Variants in SNX29 observed in about 807,000 individuals in gnomAD.
SNX29 encodes sorting nexin-29.
In SNX29, 78 loss-of-function variants were observed where a neutral mutation model predicts 102.1. The ratio of observed to expected loss-of-function variants is 0.76; its 90% CI spans 0.64 to 0.92. The LOEUF is 0.92. Ranked by LOEUF, SNX29 falls within the 40% of genes least tolerant of loss-of-function variation. The pLI, the probability that SNX29 is intolerant of heterozygous loss-of-function variation, is 0.00. For synonymous variants in SNX29, 580 were observed against 414.5 expected (o/e 1.40, Z -4.85); for missense variants, 1,280 against 1,061.7 (o/e 1.21, Z -2.86).
In SNX29 at chr16:12,491,257, G is replaced by A. The variant is rs186207999; in HGVS notation, c.2178+13398G>A. On this transcript the variant is annotated intron_variant, in intron 19 of 20. Coordinates refer to ENST00000566228, the MANE Select transcript of SNX29 (RefSeq NM_032167.5). ...TGTACACGTCTTGGTATACATGTTT[G>A]AGACTCGGTTTCTCTAGGTTGTGTG... Among the ~76,000 whole-genome samples, 257 of 152,314 alleles carry A rather than the reference G, an allele frequency of 1.7e-3. 2 individuals carry two copies. Among genetic ancestry groups the A allele is most frequent in the Non-Finnish European group, 1.3e-3 (89 of 68,036 alleles).
chr16:12,116,124 C>G (rs949647244), intron 11 of SNX29, among the ~76,000 whole-genome samples: 2 of 152,194 alleles, frequency 1.3e-5, no homozygotes, highest in Admixed American at 1.3e-4. Flanking sequence ...ACTCTCTCTC[C>G]TAATTGTGGG....
chr16:12,467,891 T>A (rs1208648959), intron 18 of SNX29, among the ~76,000 whole-genome samples: 4 of 152,118 alleles, frequency 2.6e-5, no homozygotes, highest in South Asian at 2.1e-4. Context: ...AGTGAGGGGA[T>A]AGGCATCGAG....
chr16:12,332,319 A>C (rs919307414), intron 15 of SNX29, among the ~76,000 whole-genome samples: 1 of 152,166 alleles, frequency 6.6e-6, no homozygotes, highest in African/African-American at 2.4e-5. Context: ...AAATGGTTGC[A>C]TCTGGCTTTC....
Position 12,569,172 on chromosome 16 carries a change from AAC to A in SNX29, c.*545_*546del, listed in dbSNP as rs1325560576. 3 of 216,416 alleles carry A rather than the reference AAC, an allele frequency of 1.4e-5. No individual in the cohort carries two copies. Among genetic ancestry groups the A allele is most frequent in the African/African-American group, 6.9e-5 (3 of 43,576 alleles). The allele number at this position is 216,416 out of a possible 1,614,324, so 13.4% of individuals were successfully genotyped here. Reference sequence around the variant, plus strand: ...GGTTCCTTTCACTGCATTTTCCACCAACAGTCATTAGACACCTGGCACTGTCA... The same window carrying A: ...GGTTCCTTTCACTGCATTTTCCACCAAGTCATTAGACACCTGGCACTGTCA... On this transcript the variant is annotated 3_prime_UTR_variant, in exon 21 of 21. Coordinates refer to ENST00000566228, the MANE Select transcript of SNX29 (RefSeq NM_032167.5).
Position 12,573,409 on chromosome 16 carries a change from T to TA in SNX29, c.*4780_*4781insA. 1 of 224,328 alleles carries TA rather than the reference T, an allele frequency of 4.5e-6. No homozygotes were observed. Among genetic ancestry groups the TA allele is most frequent in the Non-Finnish European group, 8.9e-6 (1 of 112,716 alleles). The allele number at this position is 224,328 out of a possible 1,614,324, so 13.9% of individuals were successfully genotyped here. ...CTTATAGCTAGTTTCTATAGAGAAG[T>TA]GAAAAAGAAATCTGGCTTCCTTAAT... On this transcript the variant is annotated 3_prime_UTR_variant, in exon 21 of 21. Transcript: ENST00000566228.
At chr16:12,403,669 C>A in intron 18 of SNX29, 140 bp downstream of exon 18, 2 of 799,458 alleles carry the variant, frequency 2.5e-6, no homozygotes, top group Non-Finnish European at 2.0e-6. Flanking sequence ...ATCTTAACTG[C>A]CCAGAGGCCT....
chr16:11,978,441 T>A (rs1412002494), intron 1 of SNX29, among the ~76,000 whole-genome samples: 1 of 152,212 alleles, frequency 6.6e-6, no homozygotes, highest in East Asian at 1.9e-4. Context: ...TACCTAGTAG[T>A]ACCTATCTCC....
rs1012692334 is a variant in SNX29 at position 12,553,534 on chromosome 16, C to T, written c.2319-14972C>T. Among the ~76,000 whole-genome samples the T allele has an allele frequency of 3.9e-5, 6 of 152,104 alleles. No homozygotes were observed. In the East Asian group the frequency reaches 7.7e-4, roughly 20 times the overall value. On this transcript the variant is annotated intron_variant, in intron 20 of 20. Coordinates refer to ENST00000566228, the MANE Select transcript of SNX29 (RefSeq NM_032167.5). ...CATCACAGTGCTGGAGGAGGGACCC[C>T]ACAGAGCACTGCAGGGAGCTAAGCA... is the stretch of plus-strand genomic sequence containing the variant.
intron 20 of SNX29, among the ~76,000 whole-genome samples, chr16:12,555,233 T>TGGAGGTGAGAGATGA (rs2078256901): frequency 2.0e-5 from 3 of 151,328 alleles, no homozygotes; most frequent in Admixed American, 1.3e-4. Context: ...CAGGGAGAAA[T>TGGAGGTGAGAGATGA]GGAGGTGAGA....
chr16:12,137,176 C>T (rs151158021), intron 13 of SNX29, among the ~76,000 whole-genome samples: 2 of 152,208 alleles, frequency 1.3e-5, no homozygotes, highest in Non-Finnish European at 2.9e-5. Context: ...ATTGTTGGGA[C>T]GGTTACATCA....
At chr16:12,078,803 T>G (rs2051715076) in intron 10 of SNX29, 30 bp from the exon 11 acceptor site, 2 of 1,572,104 alleles carry the variant, frequency 1.3e-6, no homozygotes, top group Non-Finnish European at 1.7e-6. Flanking sequence ...AGTGGCCGAG[T>G]GTAACTTCCT....
At chr16:12,428,178 T>C (rs1041713171) in intron 18 of SNX29, among the ~76,000 whole-genome samples, 2 of 152,202 alleles carry the variant, frequency 1.3e-5, no homozygotes, top group Non-Finnish European at 2.9e-5. Flanking sequence ...CATTTTCTAA[T>C]GTTACTCTTT....
chr16:12,099,887 C>T (rs533702690), intron 11 of SNX29, among the ~76,000 whole-genome samples: 7 of 152,256 alleles, frequency 4.6e-5, no homozygotes, highest in African/African-American at 1.4e-4. Context: ...GTGGCACTCT[C>T]CTGTGAGCGC....
At chr16:12,301,286 C>T (rs2080165702) in intron 15 of SNX29, among the ~76,000 whole-genome samples, 1 of 152,244 alleles carries the variant, frequency 6.6e-6, no homozygotes, top group Non-Finnish European at 1.5e-5. Flanking sequence ...AAGCTGATTC[C>T]AAATCCGCCC....
At chr16:12,447,295 G>A (rs11075080) in intron 18 of SNX29, among the ~76,000 whole-genome samples, 104,029 of 151,764 alleles carry the variant, frequency 0.69, 36,533 homozygotes, top group African/African-American at 0.84. Context: ...CTTAGCATGA[G>A]CTTTGGGCAC....
chr16:12,199,537 C>G (rs1163567507), intron 13 of SNX29, 64 bp from the exon 14 acceptor site: 2 of 1,427,232 alleles, frequency 1.4e-6, no homozygotes, highest in Admixed American at 4.0e-5. Flanking sequence ...ACCCCTGCCC[C>G]CTCCTGTGGG....
chr16:12,495,351 C>T (rs955290677), intron 19 of SNX29, among the ~76,000 whole-genome samples: 1 of 151,946 alleles, frequency 6.6e-6, no homozygotes, highest in African/African-American at 2.4e-5. Context: ...AGGGTTTCAC[C>T]ATGTTGTCCA....
intron 18 of SNX29, among the ~76,000 whole-genome samples, chr16:12,455,545 T>C (rs2086499446): frequency 6.6e-6 from 1 of 152,224 alleles, no homozygotes; most frequent in African/African-American, 2.4e-5. Context: ...CCTCCCTGAG[T>C]TGTGGATCCC....
chr16:12,187,034 G>C (rs1044911696), intron 13 of SNX29, among the ~76,000 whole-genome samples: 1 of 152,236 alleles, frequency 6.6e-6, no homozygotes, highest in African/African-American at 2.4e-5. Flanking sequence ...ACTGGTTAAA[G>C]ACCTGATGGG....
Sources: gnomAD v4.1 joint callset for allele counts (sites outside exome capture counted in the v4.1 genomes callset) on GRCh38, gnomAD v4.1.1 for gene constraint, MANE v1.5 for transcripts, NCBI Gene and HGNC (gene_info 2026-07-23, HGNC 2026-07-21) for gene names.